Variants in ZNF483 observed in about 807,000 individuals in gnomAD.
ZNF483 encodes zinc finger protein HIT-10.
A neutral mutation model predicts 28.6 loss-of-function variants in ZNF483; 9 were observed. The ratio of observed to expected loss-of-function variants is 0.32; its 90% CI spans 0.19 to 0.55. The LOEUF is 0.55. ZNF483 is among the 20% of genes least tolerant of loss of function. The probability of loss-of-function intolerance (pLI) is 0.93; values close to 1 mark genes in which losing one functional copy is unlikely to be tolerated. For missense variants in ZNF483, 675 were observed against 871.7 expected, an observed-to-expected ratio of 0.77 and a Z score of 2.84; for synonymous variants, 322 against 306.2, an observed-to-expected ratio of 1.05 and a Z score of -0.54.
chr9:111,531,002 C>T, intron 3 of ZNF483, 39 bp downstream of exon 3: 1 of 1,000,574 alleles, frequency 1.0e-6, no homozygotes, highest in Middle Eastern at 2.4e-4. Context: ...TAAGTGAATA[C>T]TTAATTGAGC....
rs1827778250 is a variant in ZNF483, at chr9:111,545,173, A to G, written c.*2003A>G. 6.6e-6 allele frequency among the ~76,000 whole-genome samples: 1 copy of G among 152,244 alleles called. No homozygotes were observed. Among genetic ancestry groups the G allele is most frequent in the Non-Finnish European group, 1.5e-5 (1 of 68,034 alleles). ...CAGACCAACGAATCACATCCTAGCC[A>G]TGAAAGGAATGTTTATTATGAGAAT... On this transcript the variant is annotated 3_prime_UTR_variant, in exon 6 of 6. Transcript: ENST00000309235.
intron 1 of ZNF483, among the ~76,000 whole-genome samples, chr9:111,526,662 A>G (rs1250276395): frequency 3.3e-5 from 5 of 152,194 alleles, no homozygotes; most frequent in Non-Finnish European, 5.9e-5. Context: ...GTGCCCTTTC[A>G]TTAAGAAAGG....
intron 5 of ZNF483, among the ~76,000 whole-genome samples, chr9:111,540,554 T>C (rs569970510): frequency 2.0e-5 from 3 of 152,290 alleles, no homozygotes; most frequent in Admixed American, 6.5e-5. Context: ...GCTGTGGGAA[T>C]GCATTCTATG....
chr9:111,542,113 G>A lies in ZNF483; in HGVS notation c.1178G>A (p.Ser393Asn). The A allele has an allele frequency of 6.2e-7, 1 of 1,614,096 alleles. No homozygotes were observed. The highest frequency in any genetic ancestry group is 1.1e-5 in the South Asian group (1 of 91,082). ...IHLGDRSQKC[S>N]KCGIIFIRRS... ...TTGGGGGATAGGTCCCAAAAATGCA[G>A]TAAGTGTGGGATAATCTTTATTAGA... Residue 393 changes from serine (S) to asparagine (N), a missense_variant, in exon 6 of 6, where the codon AGT (serine) becomes AAT (asparagine). Coordinates refer to ENST00000309235, the MANE Select transcript of ZNF483 (RefSeq NM_133464.5). The surrounding 1 kb of genome is among the most constrained non-coding windows in gnomAD (Gnocchi z 6.2).
In ZNF483 at chr9:111,552,842, C is replaced by T. The variant is rs1211297550; in HGVS notation, c.*9672C>T. On this transcript the variant is annotated 3_prime_UTR_variant, in exon 6 of 6. Coordinates refer to ENST00000309235, the MANE Select transcript of ZNF483 (RefSeq NM_133464.5). Reference sequence around the variant, plus strand: ...AAAAATATATTCTGTTCATGTATATCCAAGAGCAAAATTGTTTAATGGTTT... The same window carrying T: ...AAAAATATATTCTGTTCATGTATATTCAAGAGCAAAATTGTTTAATGGTTT... Among the ~76,000 whole-genome samples, 1 of 151,996 alleles carries T rather than the reference C, an allele frequency of 6.6e-6. No homozygotes were observed. The highest frequency in any genetic ancestry group is 1.5e-5 in the Non-Finnish European group (1 of 67,960).
At chr9:111,571,074 G>T (rs1046773643) in intron 5 of ZNF483, among the ~76,000 whole-genome samples, 2 of 150,556 alleles carry the variant, frequency 1.3e-5, no homozygotes, top group Non-Finnish European at 3.0e-5. Context: ...CAGAAGGAAT[G>T]CAGCCCTGCC....
At chr9:111,540,818 G>T (rs1020488107) in intron 5 of ZNF483, among the ~76,000 whole-genome samples, 1 of 152,176 alleles carries the variant, frequency 6.6e-6, no homozygotes, top group Non-Finnish European at 1.5e-5. Flanking sequence ...TTCAGACTAA[G>T]TTAAAAATCT....
chr9:111,568,109 A>G (rs1828649742), intron 5 of ZNF483, among the ~76,000 whole-genome samples: 1 of 152,212 alleles, frequency 6.6e-6, no homozygotes, highest in Admixed American at 6.6e-5. Flanking sequence ...TTTTCAGGGA[A>G]CAAGGGAAGA....
In ZNF483 at chr9:111,551,415, T is replaced by A. The variant is rs954272564; in HGVS notation, c.*8245T>A. Among the ~76,000 whole-genome samples, 6 of 141,488 alleles carry A rather than the reference T, an allele frequency of 4.2e-5. No individual in the cohort carries two copies. The highest frequency in any genetic ancestry group is 9.2e-5 in the Non-Finnish European group (6 of 65,234). 92.8% of individuals were successfully genotyped at this position (141,488 alleles called of 152,430 possible). On this transcript the variant is annotated 3_prime_UTR_variant, in exon 6 of 6. Coordinates refer to ENST00000309235, the MANE Select transcript of ZNF483 (RefSeq NM_133464.5). ...TCCAGTTTTTGTTTTTTTTTTTTTT[T>A]TTTTTTTTTTGAGATGGAGTCTCAC... is the stretch of plus-strand genomic sequence containing the variant.
intron 5 of ZNF483, among the ~76,000 whole-genome samples, chr9:111,561,165 GAGAGAGAGA>G (rs2132309857): frequency 7.0e-6 from 1 of 142,294 alleles, no homozygotes; most frequent in African/African-American, 2.6e-5. Flanking sequence ...GAGAGAGAGA[GAGAGAGAGA>G]GAGAAAGAGA....
downstream of ZNF483, among the ~76,000 whole-genome samples, chr9:111,556,915 G>T (rs1391142625): frequency 6.6e-6 from 1 of 152,210 alleles, no homozygotes; most frequent in Non-Finnish European, 1.5e-5. Context: ...GATAGCCGTG[G>T]CTGGAGCTGG....
intron 5 of ZNF483, among the ~76,000 whole-genome samples, chr9:111,536,228 A>G (rs941055349): frequency 5.3e-5 from 8 of 151,638 alleles, no homozygotes; most frequent in African/African-American, 1.9e-4. Flanking sequence ...CATTTAAAAA[A>G]ATAAAAATAG....
In ZNF483 at chr9:111,548,460, G is replaced by A. The variant is rs1170193823; in HGVS notation, c.*5290G>A. ...TAACTGAGTTTTGAGTGTTGATTTT[G>A]TATCTTGCAACTTTGCTGAATTTGT... On this transcript the variant is annotated 3_prime_UTR_variant, in exon 6 of 6. Transcript: ENST00000309235. 6.6e-6 allele frequency among the ~76,000 whole-genome samples: 1 copy of A among 152,156 alleles called. No individual in the cohort carries two copies. Among genetic ancestry groups the A allele is most frequent in the Non-Finnish European group, 1.5e-5 (1 of 68,008 alleles).
intron 3 of ZNF483, 49 bp from the exon 4 acceptor site, chr9:111,533,690 G>C (rs199582481): frequency 6.6e-7 from 1 of 1,507,942 alleles, no homozygotes; most frequent in Non-Finnish European, 8.8e-7. Context: ...AAAGTACTTA[G>C]GTTCTATTTG....
At chr9:111,534,171 T>C (rs1006701878) in intron 4 of ZNF483, 90 bp from the exon 5 acceptor site, 23 of 1,137,196 alleles carry the variant, frequency 2.0e-5, no homozygotes, top group Non-Finnish European at 3.0e-5. Flanking sequence ...TGTTTTTATC[T>C]TCCTTGGAGA....
chr9:111,543,312 C>T lies in ZNF483; in HGVS notation c.*142C>T, dbSNP rs1409668851. ...GAAAAATATCCTTTTGCCCATTCAT[C>T]CCTCTTCTTTTCAAGGATGGCAACG... On this transcript the variant is annotated 3_prime_UTR_variant, in exon 6 of 6. Coordinates refer to ENST00000309235, the MANE Select transcript of ZNF483 (RefSeq NM_133464.5). 5 of 1,402,314 alleles carry T rather than the reference C, an allele frequency of 3.6e-6. No homozygotes were observed. The highest frequency in any genetic ancestry group is 4.6e-6 in the Non-Finnish European group (5 of 1,085,166). The allele number at this position is 1,402,314 out of a possible 1,614,324, so 86.9% of individuals were successfully genotyped here. A position where few individuals can be genotyped will look rare whatever the true frequency, so the allele number is the denominator to read the frequency against.
intron 5 of ZNF483, chr9:111,563,516 T>C (rs866964540): frequency 1.8e-5 from 4 of 220,246 alleles, no homozygotes; most frequent in Non-Finnish European, 3.6e-5. Flanking sequence ...TTTCTTTTTT[T>C]TTTTTTTGAG....
intron 2 of ZNF483, among the ~76,000 whole-genome samples, chr9:111,529,137 CA>C (rs758539203): frequency 1.7e-4 from 14 of 83,916 alleles, no homozygotes; most frequent in African/African-American, 3.1e-4. Flanking sequence ...AACTCCGTCT[CA>C]AAAAAAAAAA....
In ZNF483 at chr9:111,547,085, CT is replaced by C. The variant is rs1827826002; in HGVS notation, c.*3916del. Among the ~76,000 whole-genome samples, 1 of 152,120 alleles carries C rather than the reference CT, an allele frequency of 6.6e-6. No individual in the cohort carries two copies. The highest frequency in any genetic ancestry group is 1.5e-5 in the Non-Finnish European group (1 of 67,974). Reference sequence around the variant, plus strand: ...TACCACATTTTGTTTATCCTTTTATCTGCCAGTGAACATTTAAGTTGTTTGC... The same window carrying C: ...TACCACATTTTGTTTATCCTTTTATCGCCAGTGAACATTTAAGTTGTTTGC... On this transcript the variant is annotated 3_prime_UTR_variant, in exon 6 of 6. Coordinates refer to ENST00000309235, the MANE Select transcript of ZNF483 (RefSeq NM_133464.5).
Sources: allele counts gnomAD v4.1 joint callset (sites outside exome capture counted in the v4.1 genomes callset), GRCh38; gene constraint gnomAD v4.1.1; non-coding constraint Gnocchi (gnomAD v3.1); transcripts MANE v1.5; gene names NCBI Gene and HGNC (gene_info 2026-07-23, HGNC 2026-07-21).